NPR3: variants seen among roughly 807,000 people sequenced by gnomAD.
NPR3 encodes natriuretic peptide receptor 3.
In NPR3, 34 loss-of-function variants were observed where a neutral mutation model predicts 54.5. The observed-to-expected ratio is 0.62, with a 90% CI of 0.47 to 0.83. The LOEUF is 0.83. Ranked by LOEUF, NPR3 falls within the 40% of genes least tolerant of loss-of-function variation. The pLI is 0.00. For synonymous variants in NPR3, 289 were observed against 297.1 expected, an observed-to-expected ratio of 0.97 and a Z score of 0.28; for missense variants, 674 against 720.8, an observed-to-expected ratio of 0.94 and a Z score of 0.74.
chr5:32,694,995 A>G (rs1740488305), intron 1 of NPR3, among the ~76,000 whole-genome samples: 1 of 152,170 alleles, frequency 6.6e-6, no homozygotes, highest in Non-Finnish European at 1.5e-5. Context: ...ATTTAACATA[A>G]TGGCTTCCAG....
intron 2 of NPR3, among the ~76,000 whole-genome samples, chr5:32,736,230 C>CAAAAAAAAAAAAAAA (rs56211529): frequency 2.6e-4 from 17 of 65,330 alleles, no homozygotes; most frequent in African/African-American, 3.7e-4. Flanking sequence ...CACTCTGTCT[C>CAAAAAAAAAAAAAAA]AAAAAAAAAA....
chr5:32,718,884 T>C (rs1738701966), intron 1 of NPR3, among the ~76,000 whole-genome samples: 1 of 152,192 alleles, frequency 6.6e-6, no homozygotes, highest in African/African-American at 2.4e-5. Flanking sequence ...TCCAACACTA[T>C]GTTGAATAGG....
At chr5:32,750,197 C>T (rs751902096) in intron 3 of NPR3, among the ~76,000 whole-genome samples, 1 of 152,204 alleles carries the variant, frequency 6.6e-6, no homozygotes, top group Non-Finnish European at 1.5e-5. Context: ...GGCGCGATCT[C>T]GGCTCACTGC....
intron 2 of NPR3, among the ~76,000 whole-genome samples, chr5:32,734,199 G>A (rs184455641): frequency 5.1e-4 from 78 of 152,278 alleles, no homozygotes; most frequent in Non-Finnish European, 7.8e-4. Flanking sequence ...TGGAGAGGGT[G>A]GGGGTAAGCC....
At chr5:32,730,433 CT>C (rs1739392133) in intron 2 of NPR3, among the ~76,000 whole-genome samples, 1 of 152,198 alleles carries the variant, frequency 6.6e-6, no homozygotes, top group South Asian at 2.1e-4. Context: ...AGGATGTTCA[CT>C]TTCATTACTC....
chr5:32,745,938 C>A (rs978317926), intron 3 of NPR3, among the ~76,000 whole-genome samples: 1 of 152,138 alleles, frequency 6.6e-6, no homozygotes, highest in African/African-American at 2.4e-5. Flanking sequence ...GGGATCCTCA[C>A]CCCCTAAAAA....
chr5:32,751,934 G>T (rs953720573), intron 3 of NPR3, among the ~76,000 whole-genome samples: 2 of 152,300 alleles, frequency 1.3e-5, no homozygotes. Flanking sequence ...GGGTGTGGTG[G>T]CTCACTCCTG....
At chr5:32,694,855 C>A (rs2111807099) in intron 1 of NPR3, among the ~76,000 whole-genome samples, 1 of 152,014 alleles carries the variant, frequency 6.6e-6, no homozygotes, top group Middle Eastern at 3.4e-3. Context: ...CCCTCCCCCA[C>A]CCTGTCCTTC....
chr5:32,767,970 C>T (rs1433295774), intron 3 of NPR3, among the ~76,000 whole-genome samples: 1 of 152,182 alleles, frequency 6.6e-6, no homozygotes, highest in East Asian at 1.9e-4. Flanking sequence ...TCTTTCCCTG[C>T]CTCCACCTCC....
At chr5:32,700,638 C>T (rs1235246017) in intron 1 of NPR3, among the ~76,000 whole-genome samples, 1 of 151,332 alleles carries the variant, frequency 6.6e-6, no homozygotes, top group Admixed American at 6.6e-5. Context: ...TGAGTGAGAA[C>T]ATGTGGTGTT....
chr5:32,708,422 T>C (rs1738053977), upstream of NPR3, among the ~76,000 whole-genome samples: 1 of 152,152 alleles, frequency 6.6e-6, no homozygotes, highest in Non-Finnish European at 1.5e-5. Flanking sequence ...TATTGTGCTG[T>C]ATTAGCCTCC....
chr5:32,780,951 T>A, intron 5 of NPR3, 135 bp downstream of exon 5: 1 of 607,586 alleles, frequency 1.6e-6, no homozygotes, highest in South Asian at 2.0e-5. Flanking sequence ...CCTCAACTTT[T>A]GATTGAGGGT....
intron 5 of NPR3, among the ~76,000 whole-genome samples, chr5:32,782,604 C>G (rs1742395631): frequency 6.6e-6 from 1 of 152,164 alleles, no homozygotes; most frequent in African/African-American, 2.4e-5. Flanking sequence ...CTGGCACGAC[C>G]GCTCTTAATG....
At chr5:32,732,843 T>TATTTC (rs1417383686) in intron 2 of NPR3, among the ~76,000 whole-genome samples, 2 of 152,154 alleles carry the variant, frequency 1.3e-5, no homozygotes, top group Non-Finnish European at 2.9e-5. Flanking sequence ...TATTTTATTT[T>TATTTC]ATTTTATTTC....
chr5:32,734,270 TGG>T (rs1739611059), intron 2 of NPR3, among the ~76,000 whole-genome samples: 1 of 152,188 alleles, frequency 6.6e-6, no homozygotes, highest in African/African-American at 2.4e-5. Flanking sequence ...CACAGTACTG[TGG>T]GGCCAGGCCA....
intron 1 of NPR3, chr5:32,713,565 C>A: frequency 1.3e-6 from 1 of 778,836 alleles, no homozygotes; most frequent in Non-Finnish European, 1.6e-6. Context: ...GCTCACGCGC[C>A]TGGAATGTGA....
intron 3 of NPR3, among the ~76,000 whole-genome samples, chr5:32,744,769 A>T (rs569929945): frequency 6.6e-6 from 1 of 152,034 alleles, no homozygotes; most frequent in Non-Finnish European, 1.5e-5. Flanking sequence ...ACCCCAGACT[A>T]TGTCATGGTG....
rs993898813 is a variant in NPR3 at position 32,751,186 on chromosome 5, C to T, written c.1059+12156C>T. Among the ~76,000 whole-genome samples, 4 of 152,126 alleles carry T rather than the reference C, an allele frequency of 2.6e-5. No individual in the cohort carries two copies. The South Asian group carries it at 8.3e-4, about 32-fold the overall frequency. ...ATAATTGGAGATATTTGTGTCCTGG[C>T]AGGTTATTTGTAGTTTATCACAGCA... On this transcript the variant is annotated intron_variant, in intron 3 of 7. Coordinates refer to ENST00000265074, the MANE Select transcript of NPR3 (RefSeq NM_001204375.2).
upstream of NPR3, chr5:32,710,279 A>C (rs1738140772): frequency 1.3e-5 from 2 of 153,976 alleles, no homozygotes; most frequent in South Asian, 4.0e-4. Flanking sequence ...GCTCCAGAGA[A>C]GGAGCGGTTG....
Sources: gnomAD v4.1 joint callset for allele counts (sites outside exome capture counted in the v4.1 genomes callset) on GRCh38, gnomAD v4.1.1 for gene constraint, MANE v1.5 for transcripts, NCBI Gene and HGNC (gene_info 2026-07-23, HGNC 2026-07-21) for gene names.